Variants in LACTB observed in about 807,000 individuals in gnomAD.
LACTB encodes lactamase beta.
LACTB carries 35 observed loss-of-function variants against 50.2 expected under a neutral mutation model. The observed-to-expected ratio is 0.70, with a 90% CI of 0.53 to 0.92. The LOEUF is 0.92. LACTB is among the 40% of genes least tolerant of loss of function. The pLI, the probability that LACTB is intolerant of heterozygous loss-of-function variation, is 0.00. For synonymous variants in LACTB, 252 were observed against 268.2 expected, an observed-to-expected ratio of 0.94 and a Z score of 0.59; for missense variants, 664 against 691.8, an observed-to-expected ratio of 0.96 and a Z score of 0.45.
Position 63,126,842 on chromosome 15 carries a change from G to T in LACTB, c.425-17G>T, listed in dbSNP as rs1345450665. On this transcript the variant is annotated splice_polypyrimidine_tract_variant and intron_variant, in intron 2 of 5. Transcript: ENST00000261893. ...TGAAGCCTGTTAATAGTGACTTTTT[G>T]CTTTTTTCCCCCAAAGGTTTAGGTT... The T allele has an allele frequency of 2.7e-6, 4 of 1,465,408 alleles. No homozygotes were observed. The Admixed American group carries it at 6.8e-5, about 25-fold the overall frequency. The allele number at this position is 1,465,408 out of a possible 1,614,324, so 90.8% of individuals were successfully genotyped here.
chr15:63,125,864 T>TTC (rs972962631), intron 2 of LACTB: 4 of 148,446 alleles, frequency 2.7e-5, no homozygotes, highest in African/African-American at 4.9e-5. Context: ...CTTTCTTTCT[T>TTC]TTTTTTTTTT....
intron 5 of LACTB, among the ~76,000 whole-genome samples, chr15:63,138,885 C>CTA (rs200599042): frequency 0.02 from 2,983 of 149,854 alleles, 47 homozygotes; most frequent in South Asian, 0.047. Context: ...ACTAAAAATA[C>CTA]TATATATATA....
intron 2 of LACTB, among the ~76,000 whole-genome samples, chr15:63,124,292 A>G (rs1030127173): frequency 1.6e-5 from 1 of 64,234 alleles, no homozygotes; most frequent in African/African-American, 4.7e-5. Context: ...ACTAATTGCT[A>G]CAAACTAATA....
chr15:63,125,324 C>T (rs537454419), intron 2 of LACTB, among the ~76,000 whole-genome samples: 69 of 152,006 alleles, frequency 4.5e-4, no homozygotes, highest in African/African-American at 1.5e-3. Context: ...TGCACCACCA[C>T]GCCTGGCTAA....
intron 5 of LACTB, among the ~76,000 whole-genome samples, chr15:63,138,882 A>T (rs1220894519): frequency 1.3e-5 from 2 of 151,238 alleles, no homozygotes; most frequent in Non-Finnish European, 2.9e-5. Context: ...TCTACTAAAA[A>T]TACTATATAT....
intron 5 of LACTB, among the ~76,000 whole-genome samples, chr15:63,135,265 C>T (rs539693652): frequency 6.6e-6 from 1 of 152,204 alleles, no homozygotes; most frequent in East Asian, 1.9e-4. Context: ...CAATTATCAG[C>T]TTATTTAAAA....
At chr15:63,134,779 A>G (rs1413521460) in intron 5 of LACTB, among the ~76,000 whole-genome samples, 1 of 151,160 alleles carries the variant, frequency 6.6e-6, no homozygotes, top group Non-Finnish European at 1.5e-5. Flanking sequence ...GCTCCATAAA[A>G]CTTCTGTTTT....
At position 63,141,611 on chromosome 15, in the gene LACTB, T is replaced by C. The variant is rs767735522; in HGVS notation, c.1450T>C (p.Ser484Pro). The stretch of plus-strand genomic sequence containing the variant: ...GTGTAGAAAGCAACGGCATTATGCT[T>C]CACATACTGGAGGGGCAGTGGGTGC... ...GSCRKQRHYA[S>P]HTGGAVGASS... Residue 484 changes from serine to proline, a missense_variant, in exon 6 of 6, where the codon TCA (serine) becomes CCA (proline). Coordinates refer to ENST00000261893, the MANE Select transcript of LACTB (RefSeq NM_032857.5). 6.2e-7 allele frequency: 1 copy of C among 1,614,188 alleles called. No individual in the cohort carries two copies. Among genetic ancestry groups the C allele is most frequent in the Non-Finnish European group, 8.5e-7 (1 of 1,180,032 alleles).
At position 63,141,809 on chromosome 15, in the gene LACTB, C is replaced by A; in HGVS notation, c.*4C>A. ...TGATAAAGACAGATCAGACTGATAACCTTAACACCATAGGTGCAAAATGAG... is the reference window on the plus strand; with the variant it reads ...TGATAAAGACAGATCAGACTGATAAACTTAACACCATAGGTGCAAAATGAG... On this transcript the variant is annotated 3_prime_UTR_variant, in exon 6 of 6. Transcript: ENST00000261893. 3.1e-6 allele frequency: 5 copies of A among 1,599,564 alleles called. No individual in the cohort carries two copies. Among genetic ancestry groups the A allele is most frequent in the Non-Finnish European group, 4.3e-6 (5 of 1,169,038 alleles).
chr15:63,126,737 A>C (rs1202516678), intron 2 of LACTB, 122 bp from the exon 3 acceptor site: 2 of 505,634 alleles, frequency 4.0e-6, no homozygotes, highest in Non-Finnish European at 6.9e-6. Flanking sequence ...AACTTATAAA[A>C]GTGGAGTATC....
intron 5 of LACTB, among the ~76,000 whole-genome samples, chr15:63,137,369 G>T (rs2037187650): frequency 6.6e-6 from 1 of 152,088 alleles, no homozygotes. Flanking sequence ...TTATGTGTTT[G>T]GCACAATGTT....
intron 5 of LACTB, among the ~76,000 whole-genome samples, chr15:63,133,926 A>C (rs2037154076): frequency 6.6e-6 from 1 of 152,254 alleles, no homozygotes; most frequent in Admixed American, 6.5e-5. Context: ...TTGGAAAGCA[A>C]ATACTTGGTA....
chr15:63,140,590 C>A (rs1417411520), intron 5 of LACTB, among the ~76,000 whole-genome samples: 1 of 152,060 alleles, frequency 6.6e-6, no homozygotes, highest in Non-Finnish European at 1.5e-5. Context: ...CCAGCCTTTC[C>A]CACTGCACCA....
Position 63,122,702 on chromosome 15 carries a change from G to A in LACTB, c.424G>A (p.Gly142Ser). Residue 142 changes from glycine to serine, a missense_variant and splice_region_variant, in exon 2 of 6, where the codon GGT (glycine) becomes AGT (serine). Gly to Ser is a moderately conservative substitution (Grantham distance 56). Coordinates refer to ENST00000261893, the MANE Select transcript of LACTB (RefSeq NM_032857.5). ...AGATGGAAAAGAAGTCTGGTCAGAA[G>A]GTGGGTTCAGAAAATTGTTGTTTTG... ...SVDGKEVWSE[G>S]LGYADVENRV... is the part of the protein sequence containing the mutation. The A allele has an allele frequency of 6.2e-7, 1 of 1,609,924 alleles. No individual in the cohort carries two copies. The highest frequency in any genetic ancestry group is 8.5e-7 in the Non-Finnish European group (1 of 1,176,120).
chr15:63,122,162 G>A lies in LACTB; in HGVS notation c.291G>A (p.Ala97=), dbSNP rs1224285321. 14 of 1,516,588 alleles carry A rather than the reference G, an allele frequency of 9.2e-6. No homozygotes were observed. The highest frequency in any genetic ancestry group is 1.2e-5 in the Non-Finnish European group (14 of 1,140,126). 93.9% of individuals were successfully genotyped at this position (1,516,588 alleles called of 1,614,324 possible). A position where few individuals can be genotyped will look rare whatever the true frequency, so the allele number is the denominator to read the frequency against. The change falls in exon 1 of 6, where the codon GCG becomes GCA. Residue 97 remains alanine (A), a synonymous_variant. Transcript: ENST00000261893. ...SLAPWSPQTP[A]PPCSRCFARA... is the part of the protein sequence containing the mutation. ...CCCCGTGGTCTCCGCAGACCCCGGC[G>A]CCGCCCTGCTCCAGGTGCTTCGCCA...
chr15:63,134,109 T>G (rs925908780), intron 5 of LACTB, among the ~76,000 whole-genome samples: 4 of 152,222 alleles, frequency 2.6e-5, no homozygotes, highest in Admixed American at 6.5e-5. Context: ...TTTACTGATT[T>G]TTATCTGTTT....
rs1566994689 is a variant in LACTB at position 63,141,684 on chromosome 15, T to C, written c.1523T>C (p.Ile508Thr). 1 of 1,614,182 alleles carries C rather than the reference T, an allele frequency of 6.2e-7. No homozygotes were observed. Among genetic ancestry groups the C allele is most frequent in the South Asian group, 1.1e-5 (1 of 91,090 alleles). The change falls in exon 6 of 6, where the codon ATA (isoleucine) becomes ACA (threonine). Residue 508 changes from isoleucine (I) to threonine (T), a missense_variant. Physicochemically the swap from Ile to Thr is moderately conservative, Grantham distance 89 (BLOSUM62 -1). Transcript: ENST00000261893. ...CCTGAAGAACTGGATACAGAGACTA[T>C]AAATAACAAGGTTCCCCCAAGAGGA... Reference protein sequence around the residue: ...VLPEELDTETINNKVPPRGII... With the variant: ...VLPEELDTETTNNKVPPRGII...
intron 5 of LACTB, among the ~76,000 whole-genome samples, chr15:63,136,730 AC>A (rs1315288552): frequency 6.6e-6 from 1 of 151,906 alleles, no homozygotes; most frequent in Non-Finnish European, 1.5e-5. Context: ...CAAAAATAAA[AC>A]CTTGAAGTAA....
At chr15:63,123,930 G>A (rs1197801213) in intron 2 of LACTB, among the ~76,000 whole-genome samples, 1 of 152,218 alleles carries the variant, frequency 6.6e-6, no homozygotes, top group Non-Finnish European at 1.5e-5. Flanking sequence ...CTGCGGGCAA[G>A]CCTGACTGAT....
Sources: gnomAD v4.1 joint callset for allele counts (sites outside exome capture counted in the v4.1 genomes callset) on GRCh38, gnomAD v4.1.1 for gene constraint, MANE v1.5 for transcripts, NCBI Gene and HGNC (gene_info 2026-07-23, HGNC 2026-07-21) for gene names.